The following METTL22 variants were observed in gnomAD, a reference collection of about 807,000 sequenced individuals.
The protein encoded by METTL22 is methyltransferase-like protein 22.
METTL22 carries 51 observed loss-of-function variants against 48.4 expected under a neutral mutation model. The observed-to-expected ratio is 1.05, with a 90% confidence interval of 0.84 to 1.33. METTL22 has a LOEUF of 1.33. METTL22 is among the 40% of genes most tolerant of loss of function. METTL22 has a pLI of 0.00. For missense variants in METTL22, 678 were observed against 526.9 expected (o/e 1.29, Z -2.81); for synonymous variants, 255 against 214.1 (o/e 1.19, Z -1.67).
intron 9 of METTL22, among the ~76,000 whole-genome samples, chr16:8,643,258 T>G (rs1383931295): frequency 6.6e-6 from 1 of 152,248 alleles, no homozygotes; most frequent in Non-Finnish European, 1.5e-5. Context: ...GCAGTGTTAC[T>G]TATACCAATA....
intron 5 of METTL22, among the ~76,000 whole-genome samples, chr16:8,638,133 C>T (rs971381827): frequency 6.6e-6 from 1 of 151,974 alleles, no homozygotes. Context: ...TCAACAAGTG[C>T]GAAACTCCGT....
chr16:8,661,024 C>T, the METTL22 span, among the ~76,000 whole-genome samples: 2 of 152,230 alleles, frequency 1.3e-5, no homozygotes, highest in Admixed American at 6.5e-5. Flanking sequence ...TTCAAGTCTC[C>T]CAAAGGGTCT....
At chr16:8,659,201 T>C in the METTL22 span, among the ~76,000 whole-genome samples, 42,269 of 151,678 alleles carry the variant, frequency 0.28, 7,412 homozygotes, top group African/African-American at 0.51. Flanking sequence ...CACAGTGGTG[T>C]GCCCCTGTAG....
At chr16:8,649,669 TG>T (rs2056864340), downstream of METTL22, 1 of 150,068 alleles carries the variant, frequency 6.7e-6, no homozygotes. Context: ...CTGGGCGTGG[TG>T]GCGGTCGCCT....
intron 9 of METTL22, 21 bp downstream of exon 9, chr16:8,642,586 A>G: frequency 1.9e-6 from 3 of 1,607,302 alleles, no homozygotes; most frequent in Non-Finnish European, 2.6e-6. Flanking sequence ...CGCCACGGGA[A>G]CCGTGCTGAC....
At chr16:8,656,709 C>A in the METTL22 span, among the ~76,000 whole-genome samples, 1 of 152,242 alleles carries the variant, frequency 6.6e-6, no homozygotes, top group Non-Finnish European at 1.5e-5. Context: ...GCCCTCCTGA[C>A]AACCCAGGAA....
In METTL22 at chr16:8,646,180, C is replaced by T; in HGVS notation, c.*37C>T. The T allele has an allele frequency of 3.1e-6, 5 of 1,611,686 alleles. No individual in the cohort carries two copies. The highest frequency in any genetic ancestry group is 4.2e-6 in the Non-Finnish European group (5 of 1,178,014). ...CACAAGGCGCGGCGTCTCGACTGTTCTTAGAGTGTATTTCTAGTAAAATCA... is the reference window on the plus strand; with the variant it reads ...CACAAGGCGCGGCGTCTCGACTGTTTTTAGAGTGTATTTCTAGTAAAATCA... On this transcript the variant is annotated 3_prime_UTR_variant, in exon 11 of 11. Transcript: ENST00000381920.
Position 8,629,013 on chromosome 16 carries a change from T to A in METTL22, c.417T>A (p.Pro139=), listed in dbSNP as rs1327161063. The A allele has an allele frequency of 1.2e-6, 2 of 1,613,992 alleles. No individual in the cohort carries two copies. The highest frequency in any genetic ancestry group is 1.7e-6 in the Non-Finnish European group (2 of 1,180,052). ...CCTCTGATTCCAACCCAGCAGGGCC[T>A]CTGAGAGACAAGGTACATCCCATGA... is the stretch of plus-strand genomic sequence containing the variant. ...RAASDSNPAG[P]LRDKVHPMIL... The change falls in exon 3 of 11, where the codon CCT becomes CCA. Residue 139 remains proline, a synonymous_variant. Transcript: ENST00000381920.
chr16:8,644,728 A>T lies in METTL22; in HGVS notation c.1179+3A>T, dbSNP rs374919702. On this transcript the variant is annotated splice_donor_region_variant and intron_variant, in intron 10 of 10. Coordinates refer to ENST00000381920, the MANE Select transcript of METTL22 (RefSeq NM_024109.4). ...TTTACGAGCGCCTCCAGCAACTGGT[A>T]GGTCCAGGCCCCGAAGCAGGGCCGT... The T allele has an allele frequency of 3.8e-6, 6 of 1,576,962 alleles. No individual in the cohort carries two copies. In the African/African-American group the frequency reaches 8.1e-5, roughly 21 times the overall value.
chr16:8,657,183 T>C, the METTL22 span, among the ~76,000 whole-genome samples: 59 of 152,320 alleles, frequency 3.9e-4, 1 homozygote, highest in African/African-American at 1.4e-3. Context: ...ATCGATGTCA[T>C]TACAAGACCT....
chr16:8,665,327 G>T, the METTL22 span, among the ~76,000 whole-genome samples: 1 of 151,944 alleles, frequency 6.6e-6, no homozygotes, highest in African/African-American at 2.4e-5. Context: ...AATAGCTGAG[G>T]CTGAGAGAGA....
intron 6 of METTL22, chr16:8,639,604 C>T: frequency 5.0e-6 from 1 of 200,732 alleles, no homozygotes; most frequent in Non-Finnish European, 1.0e-5. Flanking sequence ...CCAGCCCCGG[C>T]CTGCTCTCCT....
At position 8,642,223 on chromosome 16, in the gene METTL22, C is replaced by G; in HGVS notation, c.907+16C>G. 1 of 1,596,772 alleles carries G rather than the reference C, an allele frequency of 6.3e-7. No homozygotes were observed. Among genetic ancestry groups the G allele is most frequent in the East Asian group, 2.2e-5 (1 of 44,786 alleles). ...GCAGCCGAAGGTAAGAAAATTTCTC[C>G]TTCGCCGTACACGTCCTTTGTTGTA... On this transcript the variant is annotated intron_variant, in intron 8 of 10. Coordinates refer to ENST00000381920, the MANE Select transcript of METTL22 (RefSeq NM_024109.4).
At chr16:8,641,344 C>T (rs2056611596) in intron 7 of METTL22, 160 bp downstream of exon 7, 1 of 724,242 alleles carries the variant, frequency 1.4e-6, no homozygotes, top group Non-Finnish European at 2.5e-6. Flanking sequence ...TGAGCACCAG[C>T]TGTCATTCTC....
chr16:8,627,137 C>T (rs1180091176), intron 2 of METTL22, among the ~76,000 whole-genome samples: 6 of 152,104 alleles, frequency 3.9e-5, no homozygotes, highest in East Asian at 3.9e-4. Context: ...ACACCCTCCC[C>T]GCTTATCTCT....
chr16:8,626,725 G>T lies in METTL22; in HGVS notation c.133+927G>T, dbSNP rs61550300. Reference sequence around the variant, plus strand: ...CGGCCTCCCAAAGTGCTGGGATTACGGGCATGAACCACCGCATCCAACCCT... The same window carrying T: ...CGGCCTCCCAAAGTGCTGGGATTACTGGCATGAACCACCGCATCCAACCCT... On this transcript the variant is annotated intron_variant, in intron 2 of 10. Transcript: ENST00000381920. 2.0e-3 allele frequency among the ~76,000 whole-genome samples: 294 copies of T among 146,540 alleles called. 2 individuals are homozygous for T. The highest frequency in any genetic ancestry group is 7.0e-3 in the African/African-American group (278 of 39,534).
At chr16:8,641,315 G>C (rs2056610363) in intron 7 of METTL22, 131 bp downstream of exon 7, 1 of 874,484 alleles carries the variant, frequency 1.1e-6, no homozygotes, top group Non-Finnish European at 1.9e-6. Flanking sequence ...GCGCATGGCA[G>C]CTTCTCTCCA....
chr16:8,637,983 C>CAA (rs56246164), intron 5 of METTL22, among the ~76,000 whole-genome samples: 138,291 of 142,830 alleles, frequency 0.97, 66,950 homozygotes, highest in South Asian at 0.99. Context: ...ACTAAAAATA[C>CAA]AAAAAAAAAA....
intron 3 of METTL22, among the ~76,000 whole-genome samples, chr16:8,633,851 G>A (rs966815423): frequency 6.6e-5 from 10 of 152,218 alleles, no homozygotes; most frequent in Admixed American, 2.0e-4. Flanking sequence ...CTTAGTCAGT[G>A]TCTTTCTCTG....
Sources: gnomAD v4.1 joint callset for allele counts (sites outside exome capture counted in the v4.1 genomes callset) on GRCh38, gnomAD v4.1.1 for gene constraint, MANE v1.5 for transcripts, NCBI Gene and HGNC (gene_info 2026-07-23, HGNC 2026-07-21) for gene names.